The following PXDNL variants were observed in gnomAD, a reference collection of about 807,000 sequenced individuals.
PXDNL encodes peroxidasin like, also known as probable oxidoreductase PXDNL.
A neutral mutation model predicts 150.8 loss-of-function variants in PXDNL; 145 were observed. The observed-to-expected ratio is 0.96, with a 90% CI of 0.84 to 1.10. The LOEUF is 1.10. PXDNL is among the 50% of genes least tolerant of loss of function. The probability of loss-of-function intolerance (pLI) is 0.00; values close to 1 mark genes in which losing one functional copy is unlikely to be tolerated. For synonymous variants in PXDNL, 757 were observed against 725.7 expected, an observed-to-expected ratio of 1.04 and a Z score of -0.69; for missense variants, 2,087 against 1,873.9, an observed-to-expected ratio of 1.11 and a Z score of -2.10.
At chr8:51,631,974 A>C (rs575811484) in intron 2 of PXDNL, among the ~76,000 whole-genome samples, 57 of 152,304 alleles carry the variant, frequency 3.7e-4, no homozygotes, top group African/African-American at 1.3e-3. Flanking sequence ...AAACAGGAAA[A>C]TGACAGAAGT....
chr8:51,503,749 C>CAT, intron 4 of PXDNL, among the ~76,000 whole-genome samples: 1 of 152,300 alleles, frequency 6.6e-6, no homozygotes, highest in Admixed American at 6.5e-5. Context: ...ATTGTCATGT[C>CAT]ATGTTGATTC....
intron 11 of PXDNL, among the ~76,000 whole-genome samples, chr8:51,448,081 G>C (rs1809719410): frequency 1.3e-5 from 2 of 152,162 alleles, no homozygotes. Context: ...AAAATGTTAA[G>C]ACAAGAAATT....
intron 17 of PXDNL, among the ~76,000 whole-genome samples, chr8:51,399,486 C>T (rs550242799): frequency 9.2e-5 from 14 of 152,216 alleles, no homozygotes; most frequent in African/African-American, 2.9e-4. Flanking sequence ...ACAATACATA[C>T]GGTGTGATTC....
chr8:51,638,363 A>G (rs1482376249), intron 2 of PXDNL, among the ~76,000 whole-genome samples: 1 of 152,140 alleles, frequency 6.6e-6, no homozygotes, highest in East Asian at 1.9e-4. Context: ...TTAACCTTCA[A>G]TGTAAATGGG....
At chr8:51,585,924 T>C (rs539708784) in intron 3 of PXDNL, among the ~76,000 whole-genome samples, 17 of 152,116 alleles carry the variant, frequency 1.1e-4, no homozygotes, top group African/African-American at 4.1e-4. Flanking sequence ...GCATAATCCA[T>C]CCTGGATACT....
intron 1 of PXDNL, among the ~76,000 whole-genome samples, chr8:51,744,093 G>GGAAAGAAAGAAAGAAA (rs1259792170): frequency 3.6e-4 from 15 of 41,180 alleles, no homozygotes; most frequent in East Asian, 7.4e-4. Flanking sequence ...AAGGAAGGAA[G>GGAAAGAAAGAAAGAAA]GAAAGAAAGA....
intron 9 of PXDNL, among the ~76,000 whole-genome samples, chr8:51,456,099 A>G (rs1586121636): frequency 6.6e-6 from 1 of 152,230 alleles, no homozygotes; most frequent in Non-Finnish European, 1.5e-5. Context: ...TCATCCTGAC[A>G]TGCCTATCTT....
chr8:51,540,949 A>G (rs1812202791), intron 4 of PXDNL, among the ~76,000 whole-genome samples: 1 of 147,496 alleles, frequency 6.8e-6, no homozygotes. Context: ...AGATGTTGTT[A>G]TTTTTTTTTT....
intron 18 of PXDNL, 46 bp from the exon 19 acceptor site, chr8:51,372,127 G>A (rs777303094): frequency 9.0e-5 from 129 of 1,437,588 alleles, no homozygotes; most frequent in Non-Finnish European, 1.2e-4. Flanking sequence ...TCTGTGGCCT[G>A]AGAACTCAGC....
intron 1 of PXDNL, among the ~76,000 whole-genome samples, chr8:51,690,438 C>T (rs1259065709): frequency 3.9e-5 from 6 of 152,124 alleles, no homozygotes; most frequent in East Asian, 1.9e-4. Context: ...TTTGTCCTTG[C>T]GATAGTTTAC....
At chr8:51,685,660 G>T (rs1484266544) in intron 1 of PXDNL, among the ~76,000 whole-genome samples, 1 of 152,028 alleles carries the variant, frequency 6.6e-6, no homozygotes, top group African/African-American at 2.4e-5. Flanking sequence ...ATACACATAG[G>T]CATTGTGGTG....
chr8:51,456,372 C>T (rs1241607785), intron 9 of PXDNL, among the ~76,000 whole-genome samples: 10 of 152,112 alleles, frequency 6.6e-5, no homozygotes. Context: ...TGGCTCTCTC[C>T]CACTTGTTGT....
chr8:51,606,965 T>C (rs1233625236), intron 2 of PXDNL, among the ~76,000 whole-genome samples: 1 of 152,102 alleles, frequency 6.6e-6, no homozygotes, highest in Non-Finnish European at 1.5e-5. Context: ...ACAAAATCTT[T>C]CCTCTCTAAA....
intron 1 of PXDNL, among the ~76,000 whole-genome samples, chr8:51,734,436 G>T (rs1816993367): frequency 6.6e-6 from 1 of 152,206 alleles, no homozygotes; most frequent in South Asian, 2.1e-4. Flanking sequence ...TTATGTGGTT[G>T]TGATAGTTGG....
chr8:51,350,327 C>T lies in PXDNL; in HGVS notation c.3902-4380G>A, dbSNP rs1316439773. Reference sequence around the variant, plus strand: ...CTAGGAAAAGACTAGCCCTCCCACCCTAGTCTTTTATTAGCAAATGCAGCT... The same window carrying T: ...CTAGGAAAAGACTAGCCCTCCCACCTTAGTCTTTTATTAGCAAATGCAGCT... On this transcript the variant is annotated intron_variant, in intron 19 of 22. Coordinates refer to ENST00000356297, the MANE Select transcript of PXDNL (RefSeq NM_144651.5). Among the ~76,000 whole-genome samples, 6 of 74,650 alleles carry T rather than the reference C, an allele frequency of 8.0e-5. No homozygotes were observed. The Admixed American group carries it at 1.0e-3, about 13-fold the overall frequency. 49.0% of individuals were successfully genotyped at this position (74,650 alleles called of 152,430 possible). A position where few individuals can be genotyped will look rare whatever the true frequency, so the allele number is the denominator to read the frequency against.
chr8:51,519,783 A>C (rs1292939115), intron 4 of PXDNL, among the ~76,000 whole-genome samples: 1 of 152,254 alleles, frequency 6.6e-6, no homozygotes, highest in Non-Finnish European at 1.5e-5. Context: ...GGGCATCCCA[A>C]GAGACTGGAA....
rs140708335 is a variant in PXDNL at position 51,609,498 on chromosome 8, G to A, written c.237-16800C>T. Among the ~76,000 whole-genome samples, 264 of 152,300 alleles carry A rather than the reference G, an allele frequency of 1.7e-3. 1 individual carries two copies. The highest frequency in any genetic ancestry group is 5.9e-3 in the African/African-American group (244 of 41,566). ...AGGGGTGATGTCCTGTGATTGTAGT[G>A]TGATTAACAGGGTAAATTCAGAAGT... On this transcript the variant is annotated intron_variant, in intron 2 of 22. Transcript: ENST00000356297.
intron 1 of PXDNL, among the ~76,000 whole-genome samples, chr8:51,773,480 T>C (rs2037321090): frequency 1.3e-5 from 2 of 152,168 alleles, no homozygotes; most frequent in East Asian, 1.9e-4. Context: ...AGGGACATCA[T>C]AGTGCAGAGA....
intron 6 of PXDNL, among the ~76,000 whole-genome samples, chr8:51,481,233 T>C (rs1810597392): frequency 6.6e-6 from 1 of 152,062 alleles, no homozygotes; most frequent in Non-Finnish European, 1.5e-5. Context: ...GAGTCTCAGA[T>C]GGAGATAAGG....
Sources: allele counts gnomAD v4.1 joint callset (sites outside exome capture counted in the v4.1 genomes callset), GRCh38; gene constraint gnomAD v4.1.1; transcripts MANE v1.5; gene names NCBI Gene and HGNC (gene_info 2026-07-23, HGNC 2026-07-21).